The following EPHA5 variants were observed in gnomAD, a reference collection of about 807,000 sequenced individuals.
EPHA5 encodes the protein ephrin type-A receptor 5.
In EPHA5, 60 loss-of-function variants were observed where a neutral mutation model predicts 105.0. The observed-to-expected ratio is 0.57, with a 90% CI of 0.46 to 0.71. EPHA5 has a LOEUF of 0.71. Ranked by LOEUF, EPHA5 falls within the 30% of genes least tolerant of loss-of-function variation. The pLI is 0.00. For synonymous variants in EPHA5, 513 were observed against 449.1 expected (o/e 1.14, Z -1.80); for missense variants, 1,218 against 1,274.7 (o/e 0.96, Z 0.68).
intron 2 of EPHA5, among the ~76,000 whole-genome samples, chr4:65,605,646 T>C (rs1236785498): frequency 2.0e-5 from 3 of 152,168 alleles, no homozygotes; most frequent in Non-Finnish European, 4.4e-5. Context: ...TCTATTTATC[T>C]TGATTCTATA....
chr4:65,509,481 C>A (rs1733387898), intron 3 of EPHA5, among the ~76,000 whole-genome samples: 1 of 151,950 alleles, frequency 6.6e-6, no homozygotes, highest in Non-Finnish European at 1.5e-5. Context: ...AAAAAGGAAG[C>A]CAGGAAAACA....
intron 1 of EPHA5, among the ~76,000 whole-genome samples, chr4:65,665,686 C>G (rs1325757262): frequency 1.3e-5 from 2 of 152,014 alleles, no homozygotes; most frequent in Admixed American, 1.3e-4. Flanking sequence ...AGAAATTGTT[C>G]ACTGTCCTCT....
chr4:65,468,257 A>G (rs958736239), intron 5 of EPHA5, among the ~76,000 whole-genome samples: 14 of 151,824 alleles, frequency 9.2e-5, no homozygotes, highest in African/African-American at 3.4e-4. Context: ...AGCAAAAATA[A>G]ATGGTTATTG....
At chr4:65,325,654 G>C (rs549761008) in intron 16 of EPHA5, among the ~76,000 whole-genome samples, 60 of 151,268 alleles carry the variant, frequency 4.0e-4, no homozygotes, top group African/African-American at 1.3e-3. Flanking sequence ...AATTAGCTTT[G>C]AAACAAAATC....
chr4:65,386,183 T>G (rs1171385190), intron 8 of EPHA5, among the ~76,000 whole-genome samples: 1 of 151,882 alleles, frequency 6.6e-6, no homozygotes, highest in Admixed American at 6.6e-5. Flanking sequence ...CCCACTAGTT[T>G]TAATGGGTAA....
At chr4:65,638,591 T>C (rs1287490506) in intron 2 of EPHA5, among the ~76,000 whole-genome samples, 1 of 151,894 alleles carries the variant, frequency 6.6e-6, no homozygotes, top group Non-Finnish European at 1.5e-5. Flanking sequence ...AATACAAAAT[T>C]AGCCGGGTGT....
At chr4:65,543,458 T>C (rs895829968) in intron 3 of EPHA5, among the ~76,000 whole-genome samples, 1 of 151,608 alleles carries the variant, frequency 6.6e-6, no homozygotes, top group Non-Finnish European at 1.5e-5. Flanking sequence ...AATCACAAAG[T>C]AACTCCCATT....
intron 3 of EPHA5, among the ~76,000 whole-genome samples, chr4:65,572,401 T>G (rs1334076548): frequency 6.6e-6 from 1 of 152,206 alleles, no homozygotes; most frequent in East Asian, 1.9e-4. Context: ...GATGATTATA[T>G]GGACTTGAAA....
intron 5 of EPHA5, among the ~76,000 whole-genome samples, chr4:65,439,551 C>T (rs1249108657): frequency 6.6e-6 from 1 of 151,450 alleles, no homozygotes; most frequent in African/African-American, 2.4e-5. Flanking sequence ...GAAAATTCCT[C>T]CCTAAACCTG....
At chr4:65,461,796 T>C (rs1369187211) in intron 5 of EPHA5, among the ~76,000 whole-genome samples, 1 of 152,040 alleles carries the variant, frequency 6.6e-6, no homozygotes, top group African/African-American at 2.4e-5. Context: ...AAAGAGCTGT[T>C]TCTTAAGCTT....
At chr4:65,522,815 T>C (rs367850759) in intron 3 of EPHA5, among the ~76,000 whole-genome samples, 33 of 152,090 alleles carry the variant, frequency 2.2e-4, no homozygotes, top group East Asian at 1.4e-3. Context: ...TTCATCCAAT[T>C]TACTACAGTT....
intron 1 of EPHA5, among the ~76,000 whole-genome samples, chr4:65,661,508 G>A (rs1749555858): frequency 2.6e-5 from 4 of 152,264 alleles, no homozygotes. Flanking sequence ...AAGTCTGGCT[G>A]TATCCCCCTT....
At chr4:65,501,638 A>G (rs1157779110) in intron 3 of EPHA5, among the ~76,000 whole-genome samples, 1 of 151,822 alleles carries the variant, frequency 6.6e-6, no homozygotes, top group Non-Finnish European at 1.5e-5. Flanking sequence ...TTCCATACTT[A>G]TGGATCAGAG....
intron 14 of EPHA5, among the ~76,000 whole-genome samples, chr4:65,345,041 T>G (rs150092602): frequency 6.6e-6 from 1 of 152,142 alleles, no homozygotes; most frequent in Admixed American, 6.5e-5. Context: ...CAAGCTTCAG[T>G]TTCTTAATTG....
chr4:65,394,465 T>A (rs1370257766), intron 8 of EPHA5, among the ~76,000 whole-genome samples: 1 of 152,166 alleles, frequency 6.6e-6, no homozygotes, highest in African/African-American at 2.4e-5. Flanking sequence ...AAGTCACAGA[T>A]AAAAATCTCT....
chr4:65,376,524 A>T (rs1719022917), intron 8 of EPHA5, among the ~76,000 whole-genome samples: 1 of 152,052 alleles, frequency 6.6e-6, no homozygotes, highest in South Asian at 2.1e-4. Flanking sequence ...AACCATTTGA[A>T]ATTACATGTG....
At chr4:65,365,664 TATATATATATATATATATATATATA>T (rs1560457979) in intron 10 of EPHA5, among the ~76,000 whole-genome samples, 15 of 92,626 alleles carry the variant, frequency 1.6e-4, no homozygotes, top group Non-Finnish European at 3.1e-4. Flanking sequence ...TATATATATA[TATATATATATATATATATATATATA>T]GTGAAACATT....
intron 5 of EPHA5, among the ~76,000 whole-genome samples, chr4:65,439,813 G>A (rs992612694): frequency 3.9e-5 from 6 of 152,026 alleles, no homozygotes; most frequent in Non-Finnish European, 8.8e-5. Flanking sequence ...TTTACCGAAA[G>A]GAAAGCCGAA....
At chr4:65,531,508 T>A (rs1032671637) in intron 3 of EPHA5, among the ~76,000 whole-genome samples, 1 of 146,206 alleles carries the variant, frequency 6.8e-6, no homozygotes, top group African/African-American at 2.4e-5. Context: ...AAAGAGGATA[T>A]ACTGAGATGT....
Sources: gnomAD v4.1 joint callset for allele counts (sites outside exome capture counted in the v4.1 genomes callset) on GRCh38, gnomAD v4.1.1 for gene constraint, MANE v1.5 for transcripts, NCBI Gene and HGNC (gene_info 2026-07-23, HGNC 2026-07-21) for gene names.